Variants in SLC30A6 observed in about 807,000 individuals in gnomAD.
The protein encoded by SLC30A6 is zinc transporter 6.
In SLC30A6, 55 loss-of-function variants were observed where a neutral mutation model predicts 63.0. That is an observed-to-expected ratio of 0.87 (90% CI 0.70 to 1.09). The LOEUF (loss-of-function observed/expected upper bound fraction) is 1.09. SLC30A6 is among the 50% of genes least tolerant of loss of function. The pLI is 0.00. For synonymous variants in SLC30A6, 224 were observed against 186.1 expected, an observed-to-expected ratio of 1.20 and a Z score of -1.66; for missense variants, 587 against 549.2, an observed-to-expected ratio of 1.07 and a Z score of -0.69.
At chr2:32,218,725 T>G (rs1251522568) in intron 13 of SLC30A6, among the ~76,000 whole-genome samples, 1 of 152,010 alleles carries the variant, frequency 6.6e-6, no homozygotes, top group Non-Finnish European at 1.5e-5. Context: ...CCCAGCTAAT[T>G]TTTGTATTTT....
At chr2:32,180,583 C>G (rs1332319859) in intron 4 of SLC30A6, among the ~76,000 whole-genome samples, 1 of 152,078 alleles carries the variant, frequency 6.6e-6, no homozygotes, top group Non-Finnish European at 1.5e-5. Flanking sequence ...CAGGCACCCA[C>G]CACCATGCCC....
intron 12 of SLC30A6, among the ~76,000 whole-genome samples, chr2:32,207,303 C>T (rs1478203371): frequency 6.6e-6 from 1 of 151,796 alleles, no homozygotes; most frequent in African/African-American, 2.4e-5. Flanking sequence ...CTCCACCTCC[C>T]AGGCTCAAGC....
At chr2:32,201,057 C>T (rs1374689453) in intron 10 of SLC30A6, among the ~76,000 whole-genome samples, 1 of 152,096 alleles carries the variant, frequency 6.6e-6, no homozygotes, top group Admixed American at 6.5e-5. Flanking sequence ...CAAATGTCAC[C>T]TTCTGGATTA....
At chr2:32,196,529 G>A (rs888474092) in intron 8 of SLC30A6, among the ~76,000 whole-genome samples, 7 of 152,130 alleles carry the variant, frequency 4.6e-5, no homozygotes, top group Non-Finnish European at 8.8e-5. Flanking sequence ...TATCTGAAAT[G>A]CTTGGGGCCA....
At chr2:32,194,151 A>C (rs1000203304) in intron 8 of SLC30A6, among the ~76,000 whole-genome samples, 168 bp downstream of exon 8, 17 of 152,204 alleles carry the variant, frequency 1.1e-4, no homozygotes, top group African/African-American at 4.1e-4. Context: ...TATAAAACAA[A>C]ATCTCATTAG....
chr2:32,188,067 T>C (rs771327797), intron 5 of SLC30A6, among the ~76,000 whole-genome samples: 69 of 152,322 alleles, frequency 4.5e-4, no homozygotes, highest in Non-Finnish European at 9.0e-4. Context: ...CCTTATATGA[T>C]CAGGACCCTG....
intron 4 of SLC30A6, among the ~76,000 whole-genome samples, chr2:32,179,730 A>G (rs2148820083): frequency 6.6e-6 from 1 of 152,276 alleles, no homozygotes; most frequent in Non-Finnish European, 1.5e-5. Context: ...AAAAAGGGGG[A>G]AAGAATAAGA....
chr2:32,187,268 AAAT>A (rs1165074512), intron 5 of SLC30A6: 3 of 470,210 alleles, frequency 6.4e-6, no homozygotes, highest in African/African-American at 4.0e-5. Flanking sequence ...CCGAGAGAGG[AAAT>A]AATAAATTAC....
intron 8 of SLC30A6, 21 bp from the exon 9 acceptor site, chr2:32,197,323 T>G (rs775304157): frequency 1.2e-6 from 2 of 1,600,124 alleles, no homozygotes; most frequent in African/African-American, 2.7e-5. Context: ...TATAGATAAT[T>G]TAAGTATTTT....
intron 4 of SLC30A6, among the ~76,000 whole-genome samples, chr2:32,182,694 A>G (rs1369975211): frequency 1.3e-5 from 2 of 152,216 alleles, no homozygotes; most frequent in East Asian, 1.9e-4. Flanking sequence ...GGATAGAAAT[A>G]CAAATACTAC....
At chr2:32,199,444 G>A (rs1684075908) in intron 10 of SLC30A6, among the ~76,000 whole-genome samples, 1 of 151,980 alleles carries the variant, frequency 6.6e-6, no homozygotes, top group Non-Finnish European at 1.5e-5. Flanking sequence ...CACATAGTAG[G>A]TATATATATT....
intron 10 of SLC30A6, chr2:32,201,889 A>G: frequency 2.7e-6 from 4 of 1,468,808 alleles, no homozygotes; most frequent in Admixed American, 3.9e-5. Context: ...GGATGCTCCC[A>G]AGACCAAAAA....
At chr2:32,201,782 A>G in intron 10 of SLC30A6, 1 of 1,357,348 alleles carries the variant, frequency 7.4e-7, no homozygotes, top group African/African-American at 1.5e-5. Context: ...AGCTGAAAAT[A>G]CATTACACAG....
intron 11 of SLC30A6, among the ~76,000 whole-genome samples, chr2:32,206,258 A>C (rs923552173): frequency 6.6e-6 from 1 of 151,974 alleles, no homozygotes; most frequent in African/African-American, 2.4e-5. Context: ...CATCCTGGCT[A>C]ACACGGTGAA....
At chr2:32,209,748 C>T (rs555652591) in intron 13 of SLC30A6, among the ~76,000 whole-genome samples, 187 bp downstream of exon 13, 2 of 149,124 alleles carry the variant, frequency 1.3e-5, no homozygotes, top group East Asian at 3.9e-4. Flanking sequence ...GAGACAGGGT[C>T]TCACTCTGTT....
intron 4 of SLC30A6, among the ~76,000 whole-genome samples, chr2:32,176,859 G>A (rs998299404): frequency 3.3e-5 from 5 of 149,806 alleles, no homozygotes; most frequent in Admixed American, 1.3e-4. Context: ...TGCAACCTTC[G>A]CCTCCCAGTT....
rs746084826 is a variant in SLC30A6 at position 32,203,707 on chromosome 2, C to T, written c.666-883C>T. The T allele has an allele frequency of 6.5e-6, 10 of 1,533,778 alleles. No homozygotes were observed. The East Asian group carries it at 2.2e-4, about 34-fold the overall frequency. On this transcript the variant is annotated intron_variant, in intron 10 of 13. Coordinates refer to ENST00000282587, the MANE Select transcript of SLC30A6 (RefSeq NM_017964.5). ...AAATGTGCGTGTTTGCTTTGATGTT[C>T]CTACAACTAAGTCAGAAAGGTTACA...
intron 5 of SLC30A6, among the ~76,000 whole-genome samples, chr2:32,190,521 G>A (rs1180787815): frequency 6.6e-6 from 1 of 151,294 alleles, no homozygotes; most frequent in Non-Finnish European, 1.5e-5. Context: ...TTGTGTACTT[G>A]TTAAGAAATC....
chr2:32,175,665 C>T (rs1460074821), intron 4 of SLC30A6, among the ~76,000 whole-genome samples: 1 of 152,112 alleles, frequency 6.6e-6, no homozygotes, highest in Non-Finnish European at 1.5e-5. Flanking sequence ...ACACAAACAA[C>T]AATAATTAGA....
Sources: allele counts gnomAD v4.1 joint callset (sites outside exome capture counted in the v4.1 genomes callset), GRCh38; gene constraint gnomAD v4.1.1; transcripts MANE v1.5; gene names NCBI Gene and HGNC (gene_info 2026-07-23, HGNC 2026-07-21).